The following SLC17A1 variants were observed in gnomAD, a reference collection of about 807,000 sequenced individuals.
SLC17A1 encodes the protein sodium-dependent phosphate transport protein 1.
SLC17A1 carries 51 observed loss-of-function variants against 53.5 expected under a neutral mutation model. That is an observed-to-expected ratio of 0.95 (90% confidence interval 0.76 to 1.20). The LOEUF (loss-of-function observed/expected upper bound fraction) is 1.20. Among genes scored for constraint, SLC17A1 ranks in the 50% most tolerant of loss-of-function variants. The pLI, the probability that SLC17A1 is intolerant of heterozygous loss-of-function variation, is 0.00. For synonymous variants in SLC17A1, 179 were observed against 198.8 expected, an observed-to-expected ratio of 0.90 and a Z score of 0.84; for missense variants, 538 against 568.2, an observed-to-expected ratio of 0.95 and a Z score of 0.54.
At chr6:25,762,332 T>C in the SLC17A1 span, among the ~76,000 whole-genome samples, 2 of 152,142 alleles carry the variant, frequency 1.3e-5, no homozygotes, top group Admixed American at 6.5e-5. Flanking sequence ...GTAGGAAATA[T>C]AGAAACCAAC....
chr6:25,804,017 A>G (rs1365377850), intron 10 of SLC17A1, among the ~76,000 whole-genome samples: 1 of 152,196 alleles, frequency 6.6e-6, no homozygotes, highest in Non-Finnish European at 1.5e-5. Flanking sequence ...TCATAAGGAT[A>G]TACTTTTCAC....
In SLC17A1 at chr6:25,826,642, T is replaced by G. The variant is rs1372109177; in HGVS notation, c.35-9A>C. The G allele has an allele frequency of 6.5e-7, 1 of 1,544,984 alleles. No homozygotes were observed. The highest frequency in any genetic ancestry group is 8.8e-7 in the Non-Finnish European group (1 of 1,140,872). On this transcript the variant is annotated splice_polypyrimidine_tract_variant and intron_variant, in intron 2 of 12. Coordinates refer to ENST00000244527, the MANE Select transcript of SLC17A1 (RefSeq NM_005074.5). ...GGAACAGAAACCTGGAACTACAAAG[T>G]AAAACAGAAAGTCGCAATTGCTGAC... is the stretch of plus-strand genomic sequence containing the variant.
chr6:25,814,993 A>T (rs1254925242), intron 6 of SLC17A1, among the ~76,000 whole-genome samples: 904 of 27,454 alleles, frequency 0.033, 12 homozygotes, highest in South Asian at 0.13. Context: ...TCACACAAAC[A>T]CACACACACA....
Position 25,809,414 on chromosome 6 carries a change from C to T in SLC17A1, c.1178+1984G>A, listed in dbSNP as rs147248790. ...TACAAAAGCAAGCAACTTTTAGCAA[C>T]GCTTTTGAGAGCTTGGATTTAAGAA... On this transcript the variant is annotated intron_variant, in intron 10 of 12. Transcript: ENST00000244527. 2.5e-3 allele frequency among the ~76,000 whole-genome samples: 379 copies of T among 152,064 alleles called. 2 individuals are homozygous for T. Among genetic ancestry groups the T allele is most frequent in the African/African-American group, 8.2e-3 (340 of 41,504 alleles).
chr6:25,799,486 A>T (rs1008920123), intron 11 of SLC17A1, among the ~76,000 whole-genome samples: 9 of 152,078 alleles, frequency 5.9e-5, no homozygotes, highest in African/African-American at 2.2e-4. Context: ...TGTTCTTCAG[A>T]TGTATGCTCG....
the SLC17A1 span, among the ~76,000 whole-genome samples, chr6:25,756,145 A>G: frequency 2.0e-5 from 3 of 152,060 alleles, no homozygotes; most frequent in Admixed American, 6.5e-5. Context: ...TACCAGGCCT[A>G]TAGGACCCAA....
the SLC17A1 span, among the ~76,000 whole-genome samples, chr6:25,748,237 A>G: frequency 6.6e-6 from 1 of 152,160 alleles, no homozygotes; most frequent in Non-Finnish European, 1.5e-5. Flanking sequence ...ACAATCTCTC[A>G]ATCCATGGCA....
At chr6:25,827,240 T>C (rs932070754) in intron 2 of SLC17A1, among the ~76,000 whole-genome samples, 5 of 152,092 alleles carry the variant, frequency 3.3e-5, no homozygotes, top group Admixed American at 6.6e-5. Flanking sequence ...TTTCAACAAA[T>C]GGCATTTTTT....
At chr6:25,815,217 AAGGG>A (rs1440717011) in intron 6 of SLC17A1, among the ~76,000 whole-genome samples, 3 of 147,118 alleles carry the variant, frequency 2.0e-5, no homozygotes, top group African/African-American at 7.4e-5. Context: ...AAAAGCAAGG[AAGGG>A]AGGGAGGTAG....
At chr6:25,800,604 G>A (rs559894372) in intron 11 of SLC17A1, among the ~76,000 whole-genome samples, 2 of 152,152 alleles carry the variant, frequency 1.3e-5, no homozygotes, top group East Asian at 3.9e-4. Flanking sequence ...AAATACCTGT[G>A]TTGATCAATC....
the SLC17A1 span, among the ~76,000 whole-genome samples, chr6:25,751,779 G>A: frequency 6.6e-6 from 1 of 152,044 alleles, no homozygotes; most frequent in Non-Finnish European, 1.5e-5. Context: ...TCATCTTGCT[G>A]TTGTCTAATG....
chr6:25,769,505 C>A, the SLC17A1 span, among the ~76,000 whole-genome samples: 15 of 150,010 alleles, frequency 1.0e-4, no homozygotes, highest in African/African-American at 3.7e-4. Context: ...TTGCAGTGAG[C>A]GGAGATCGTG....
intron 12 of SLC17A1, among the ~76,000 whole-genome samples, chr6:25,797,511 C>A (rs1264607558): frequency 2.0e-5 from 3 of 152,098 alleles, no homozygotes; most frequent in Admixed American, 6.6e-5. Flanking sequence ...AGACTTATCA[C>A]CCACATGTAT....
At chr6:25,826,970 C>T (rs1294475278) in intron 2 of SLC17A1, among the ~76,000 whole-genome samples, 1 of 152,092 alleles carries the variant, frequency 6.6e-6, no homozygotes, top group Admixed American at 6.6e-5. Flanking sequence ...AAGACATTTT[C>T]TGTCAAGAAA....
At chr6:25,764,615 T>G in the SLC17A1 span, among the ~76,000 whole-genome samples, 1 of 152,104 alleles carries the variant, frequency 6.6e-6, no homozygotes, top group Admixed American at 6.5e-5. Flanking sequence ...GGGTGCAGTG[T>G]TATAGGAAGA....
chr6:25,747,352 A>G, the SLC17A1 span, among the ~76,000 whole-genome samples: 1 of 152,216 alleles, frequency 6.6e-6, no homozygotes, highest in Admixed American at 6.5e-5. Context: ...CCACAATGTA[A>G]GAGCTAGGCT....
chr6:25,753,520 T>C, the SLC17A1 span, among the ~76,000 whole-genome samples: 1 of 152,218 alleles, frequency 6.6e-6, no homozygotes, highest in Admixed American at 6.5e-5. Context: ...ATAATCATTT[T>C]ATTTACCCTG....
chr6:25,731,759 C>T, the SLC17A1 span: 2 of 1,488,714 alleles, frequency 1.3e-6, no homozygotes, highest in Non-Finnish European at 1.8e-6. Context: ...GTTTGTGGAG[C>T]TCATCTGCTG....
At chr6:25,804,267 C>T (rs1187607837) in intron 10 of SLC17A1, among the ~76,000 whole-genome samples, 1 of 152,050 alleles carries the variant, frequency 6.6e-6, no homozygotes, top group Non-Finnish European at 1.5e-5. Context: ...CAACTGTCAG[C>T]CAAGAATTTT....
Sources: allele counts gnomAD v4.1 joint callset (sites outside exome capture counted in the v4.1 genomes callset), GRCh38; gene constraint gnomAD v4.1.1; transcripts MANE v1.5; gene names NCBI Gene and HGNC (gene_info 2026-07-23, HGNC 2026-07-21).